The following CMTM4 variants were observed in gnomAD, a reference collection of about 807,000 sequenced individuals.
The protein encoded by CMTM4 is CKLF-like MARVEL transmembrane domain-containing protein 4.
A neutral mutation model predicts 19.0 loss-of-function variants in CMTM4; 8 were observed. The ratio of observed to expected loss-of-function variants is 0.42; its 90% CI spans 0.25 to 0.76. CMTM4 has a LOEUF of 0.76. Ranked by LOEUF, CMTM4 falls within the 30% of genes least tolerant of loss-of-function variation. CMTM4 has a pLI of 0.27. For missense variants in CMTM4, 228 were observed against 290.2 expected (o/e 0.79, Z 1.56); for synonymous variants, 106 against 121.1 (o/e 0.88, Z 0.82).
At chr16:66,606,539 G>A in the CMTM4 span, among the ~76,000 whole-genome samples, 1 of 152,168 alleles carries the variant, frequency 6.6e-6, no homozygotes, top group Admixed American at 6.5e-5. Context: ...TCATTTGTCT[G>A]AAGCAGCCAC....
At chr16:66,684,262 T>TC (rs1459191462) in intron 1 of CMTM4, among the ~76,000 whole-genome samples, 1 of 151,844 alleles carries the variant, frequency 6.6e-6, no homozygotes, top group Non-Finnish European at 1.5e-5. Context: ...AACCTCCACC[T>TC]CCCGGGGTTC....
At chr16:66,668,795 G>T (rs355976) in intron 1 of CMTM4, among the ~76,000 whole-genome samples, 28,673 of 151,738 alleles carry the variant, frequency 0.19, 4,346 homozygotes, top group African/African-American at 0.41. Context: ...TCTCATCTGC[G>T]TCAACAAAAA....
At chr16:66,659,155 G>A (rs962409268) in intron 1 of CMTM4, among the ~76,000 whole-genome samples, 4 of 152,068 alleles carry the variant, frequency 2.6e-5, no homozygotes, top group East Asian at 1.9e-4. Flanking sequence ...TGAGGCAGGC[G>A]GATCACTTGA....
chr16:66,617,407 G>C lies in CMTM4; in HGVS notation c.*4651C>G, dbSNP rs1338782428. The C allele has an allele frequency of 1.3e-6, 2 of 1,590,726 alleles. No individual in the cohort carries two copies. Among genetic ancestry groups the C allele is most frequent in the Middle Eastern group, 1.7e-4 (1 of 5,960 alleles). ...AAGGTTGAAAAACTGTATCCAAATG[G>C]AAAAAGAATATATTCCAGACAAAAG... is the stretch of plus-strand genomic sequence containing the variant. On this transcript the variant is annotated 3_prime_UTR_variant, in exon 4 of 4. Coordinates refer to ENST00000394106, the MANE Select transcript of CMTM4 (RefSeq NM_181521.3).
intron 1 of CMTM4, among the ~76,000 whole-genome samples, chr16:66,669,438 C>CA (rs1329906689): frequency 1.4e-5 from 2 of 144,188 alleles, no homozygotes; most frequent in East Asian, 2.0e-4. Context: ...TACTGTACAC[C>CA]AAAAAAAGTC....
At chr16:66,685,647 TTTTG>T (rs1264711847) in intron 1 of CMTM4, among the ~76,000 whole-genome samples, 2 of 152,054 alleles carry the variant, frequency 1.3e-5, no homozygotes, top group African/African-American at 2.4e-5. Context: ...CTGATTTCTT[TTTTG>T]TTTGTTTTTT....
chr16:66,638,730 G>A lies in CMTM4; in HGVS notation c.187-2149C>T, dbSNP rs151126309. 1.6e-3 allele frequency among the ~76,000 whole-genome samples: 240 copies of A among 152,036 alleles called. 1 individual carries two copies. The highest frequency in any genetic ancestry group is 5.7e-3 in the African/African-American group (235 of 41,466). ...AAAAATTAGATGGACATGGTGGTGGGCGCCTGTAATCCTAGCTACTTGGGA... is the reference window on the plus strand; with the variant it reads ...AAAAATTAGATGGACATGGTGGTGGACGCCTGTAATCCTAGCTACTTGGGA... On this transcript the variant is annotated intron_variant, in intron 1 of 3. Transcript: ENST00000394106.
chr16:66,649,451 T>TATCTATCC (rs557557287), intron 1 of CMTM4, among the ~76,000 whole-genome samples: 2 of 118,670 alleles, frequency 1.7e-5, no homozygotes, highest in Admixed American at 1.7e-4. Context: ...TCCTTCTCTC[T>TATCTATCC]ATCTATCCAT....
chr16:66,607,157 A>AC, the CMTM4 span, among the ~76,000 whole-genome samples: 49 of 152,152 alleles, frequency 3.2e-4, 1 homozygote, highest in Admixed American at 2.1e-3. Context: ...GCCTCAGGGT[A>AC]CCAGGCACTG....
chr16:66,620,998 G>A lies in CMTM4; in HGVS notation c.*1060C>T, dbSNP rs916060036. On this transcript the variant is annotated 3_prime_UTR_variant, in exon 4 of 4. Transcript: ENST00000394106. Reference sequence around the variant, plus strand: ...GTTATGACACTGAGGCGCCCAAAGCGACAATTAGTGCCTTCTGAAACATGG... The same window carrying A: ...GTTATGACACTGAGGCGCCCAAAGCAACAATTAGTGCCTTCTGAAACATGG... The A allele has an allele frequency of 2.4e-5, 24 of 985,726 alleles. No individual in the cohort carries two copies. The highest frequency in any genetic ancestry group is 1.1e-4 in the East Asian group (1 of 8,820). The allele number at this position is 985,726 out of a possible 1,614,324, so 61.1% of individuals were successfully genotyped here. A position where few individuals can be genotyped will look rare whatever the true frequency, so the allele number is the denominator to read the frequency against.
intron 2 of CMTM4, among the ~76,000 whole-genome samples, chr16:66,632,006 C>A (rs2015882052): frequency 6.6e-6 from 1 of 152,238 alleles, no homozygotes; most frequent in Non-Finnish European, 1.5e-5. Flanking sequence ...CAGCCAGTGG[C>A]CCCTGTGGGT....
chr16:66,611,750 G>C (rs2015385077), downstream of CMTM4, among the ~76,000 whole-genome samples: 1 of 152,158 alleles, frequency 6.6e-6, no homozygotes, highest in Non-Finnish European at 1.5e-5. Context: ...CTCCGAGACA[G>C]AACTGGGATT....
chr16:66,609,324 G>A, the CMTM4 span: 1 of 881,288 alleles, frequency 1.1e-6, no homozygotes, highest in East Asian at 2.6e-5. The surrounding 1 kb of genome is among the most constrained non-coding windows in gnomAD (Gnocchi z 4.4). Context: ...GATGGGATAG[G>A]AGCCCTCAGG....
At chr16:66,653,690 T>G (rs919923078) in intron 1 of CMTM4, among the ~76,000 whole-genome samples, 12 of 152,216 alleles carry the variant, frequency 7.9e-5, no homozygotes, top group Non-Finnish European at 1.6e-4. Flanking sequence ...TTCTAGCCTT[T>G]AATTTAAAAT....
intron 2 of CMTM4, among the ~76,000 whole-genome samples, chr16:66,628,474 G>A (rs776932223): frequency 6.6e-6 from 1 of 152,174 alleles, no homozygotes; most frequent in Non-Finnish European, 1.5e-5. Context: ...AGAGAATGGC[G>A]ATGACTTTTA....
At chr16:66,667,934 T>C (rs2016631104) in intron 1 of CMTM4, among the ~76,000 whole-genome samples, 2 of 152,316 alleles carry the variant, frequency 1.3e-5, no homozygotes, top group African/African-American at 4.8e-5. Context: ...TTCTTCTGTT[T>C]TCTTTGCTTT....
chr16:66,649,459 C>CTATCTATCT (rs1555500121), intron 1 of CMTM4, among the ~76,000 whole-genome samples: 2 of 149,386 alleles, frequency 1.3e-5, no homozygotes, highest in African/African-American at 4.9e-5. Context: ...TCTATCTATC[C>CTATCTATCT]ATCTATCTAT....
Position 66,617,518 on chromosome 16 carries a change from A to G in CMTM4, c.*4540T>C, listed in dbSNP as rs1040986560. ...ACTTGCATGAAGAAGAATTAAACAG[A>G]ACATTCACTTTCGGAAGAAAATTTT... is the stretch of plus-strand genomic sequence containing the variant. On this transcript the variant is annotated 3_prime_UTR_variant, in exon 4 of 4. Coordinates refer to ENST00000394106, the MANE Select transcript of CMTM4 (RefSeq NM_181521.3). 1.4e-6 allele frequency: 2 copies of G among 1,386,042 alleles called. No individual in the cohort carries two copies. The highest frequency in any genetic ancestry group is 2.9e-5 in the African/African-American group (2 of 68,794). 85.9% of individuals were successfully genotyped at this position (1,386,042 alleles called of 1,614,324 possible). A position where few individuals can be genotyped will look rare whatever the true frequency, so the allele number is the denominator to read the frequency against.
At chr16:66,642,695 G>A (rs1567412854) in intron 1 of CMTM4, among the ~76,000 whole-genome samples, 1 of 152,150 alleles carries the variant, frequency 6.6e-6, no homozygotes. Context: ...CAGCCTGGGT[G>A]ACGAAGGGAG....
Sources: gnomAD v4.1 joint callset for allele counts (sites outside exome capture counted in the v4.1 genomes callset) on GRCh38, gnomAD v4.1.1 for gene constraint, Gnocchi (gnomAD v3.1) non-coding constraint, MANE v1.5 for transcripts, NCBI Gene and HGNC (gene_info 2026-07-23, HGNC 2026-07-21) for gene names.